Variants in CNTNAP2 observed in about 807,000 individuals in gnomAD.
CNTNAP2 encodes the protein contactin-associated protein-like 2.
In CNTNAP2, 98 loss-of-function variants were observed where a neutral mutation model predicts 155.2. That is an observed-to-expected ratio of 0.63 (90% confidence interval 0.54 to 0.75). The LOEUF (loss-of-function observed/expected upper bound fraction) is 0.75, where lower values mean the gene tolerates loss of function less well. Among genes scored for constraint, CNTNAP2 ranks in the 30% least tolerant of loss-of-function variants. The pLI is 0.00. For synonymous variants in CNTNAP2, 651 were observed against 631.2 expected (o/e 1.03, Z -0.47); for missense variants, 1,727 against 1,688.1 (o/e 1.02, Z -0.40).
chr7:147,507,676 C>T (rs1394507212), intron 11 of CNTNAP2, among the ~76,000 whole-genome samples: 1 of 150,872 alleles, frequency 6.6e-6, no homozygotes, highest in African/African-American at 2.4e-5. Context: ...CCTCAGCCTC[C>T]CGAGTAGCTG....
At chr7:147,342,863 T>C (rs1795787772) in intron 9 of CNTNAP2, among the ~76,000 whole-genome samples, 1 of 152,152 alleles carries the variant, frequency 6.6e-6, no homozygotes. Context: ...CCAAAGTTGA[T>C]AAACAATGCA....
intron 1 of CNTNAP2, among the ~76,000 whole-genome samples, chr7:146,607,222 C>T (rs73470616): frequency 0.027 from 4,165 of 152,146 alleles, 194 homozygotes; most frequent in African/African-American, 0.095. Flanking sequence ...GATTGGGTAA[C>T]GTTTGAATCT....
Position 146,820,054 on chromosome 7 carries a change from AG to A in CNTNAP2, c.209-19656del, listed in dbSNP as rs570101134. ...ACAATGTTTACATTGTAATTTGATC[AG>A]AAGATGCTAAATAGATATTTCGAGC... is the stretch of plus-strand genomic sequence containing the variant. On this transcript the variant is annotated intron_variant, in intron 2 of 23. Coordinates refer to ENST00000361727, the MANE Select transcript of CNTNAP2 (RefSeq NM_014141.6). Among the ~76,000 whole-genome samples, 304 of 152,362 alleles carry A rather than the reference AG, an allele frequency of 2.0e-3. 1 individual carries two copies. The highest frequency in any genetic ancestry group is 7.0e-3 in the African/African-American group (290 of 41,592).
intron 9 of CNTNAP2, among the ~76,000 whole-genome samples, chr7:147,309,246 A>G (rs560928104): frequency 4.9e-4 from 74 of 152,312 alleles, no homozygotes; most frequent in South Asian, 3.1e-3. Context: ...TGGTTACCCT[A>G]TCTCACTTTT....
intron 12 of CNTNAP2, among the ~76,000 whole-genome samples, chr7:147,612,835 T>A (rs1243101854): frequency 2.0e-5 from 3 of 152,234 alleles, no homozygotes; most frequent in Non-Finnish European, 2.9e-5. Context: ...CTACTCAATG[T>A]TCTGATTTTG....
At chr7:146,877,835 C>T (rs1388061381) in intron 3 of CNTNAP2, among the ~76,000 whole-genome samples, 1 of 151,936 alleles carries the variant, frequency 6.6e-6, no homozygotes, top group Non-Finnish European at 1.5e-5. Flanking sequence ...CAGTTCATTA[C>T]CCGACCATGA....
At chr7:147,829,488 A>AC (rs1798514904) in intron 13 of CNTNAP2, among the ~76,000 whole-genome samples, 1 of 152,158 alleles carries the variant, frequency 6.6e-6, no homozygotes, top group Admixed American at 6.5e-5. Flanking sequence ...TTTAGTGCTT[A>AC]CCCTTTACCA....
intron 13 of CNTNAP2, among the ~76,000 whole-genome samples, chr7:147,864,874 A>G (rs1260286486): frequency 1.3e-5 from 2 of 152,226 alleles, no homozygotes; most frequent in African/African-American, 2.4e-5. Flanking sequence ...ATCTGCAAAC[A>G]GGGACAATTT....
At chr7:147,497,156 A>G (rs1798724652) in intron 11 of CNTNAP2, 1 of 152,234 alleles carries the variant, frequency 6.6e-6, no homozygotes, top group Non-Finnish European at 1.5e-5. Context: ...ATAAAAGTGA[A>G]ATAATGTAAA....
intron 15 of CNTNAP2, among the ~76,000 whole-genome samples, chr7:148,061,966 G>GATAGATAGATAGATAAACAGAT (rs1803154914): frequency 1.8e-5 from 2 of 112,214 alleles, no homozygotes; most frequent in Non-Finnish European, 3.5e-5. Context: ...TAGATAGATA[G>GATAGATAGATAGATAAACAGAT]ATAGATAGAT....
At chr7:147,968,127 T>C (rs1323817767) in intron 14 of CNTNAP2, among the ~76,000 whole-genome samples, 1 of 152,170 alleles carries the variant, frequency 6.6e-6, no homozygotes, top group Non-Finnish European at 1.5e-5. Flanking sequence ...ATAAACACTT[T>C]TGTGTTGATT....
chr7:148,416,488 G>GAATT lies in CNTNAP2; in HGVS notation c.*874_*877dup, dbSNP rs1799994130. 1 of 129,776 alleles carries GAATT rather than the reference G, an allele frequency of 7.7e-6. No individual in the cohort carries two copies. The highest frequency in any genetic ancestry group is 2.5e-4 in the South Asian group (1 of 4,066). 8.0% of individuals were successfully genotyped at this position (129,776 alleles called of 1,614,324 possible). A position where few individuals can be genotyped will look rare whatever the true frequency, so the allele number is the denominator to read the frequency against. ...ATATATGTATAAGCGCCTCAATGGG[G>GAATT]AATTAGAGCCAGATGTTATGATTTG... On this transcript the variant is annotated 3_prime_UTR_variant, in exon 24 of 24. Coordinates refer to ENST00000361727, the MANE Select transcript of CNTNAP2 (RefSeq NM_014141.6).
In CNTNAP2 at chr7:147,952,319, G is replaced by A. The variant is rs1229411439; in HGVS notation, c.2256-25543G>A. On this transcript the variant is annotated intron_variant, in intron 14 of 23. Transcript: ENST00000361727. ...TAGCTGGGTGTGGTGGTGGATGCCT[G>A]TAATCCCAGCTACTCAGGAGGCTGA... Among the ~76,000 whole-genome samples the A allele has an allele frequency of 3.6e-5, 5 of 140,540 alleles. No homozygotes were observed. In the South Asian group the frequency reaches 1.1e-3, roughly 30 times the overall value. The allele number at this position is 140,540 out of a possible 152,430, so 92.2% of individuals were successfully genotyped here. A position where few individuals can be genotyped will look rare whatever the true frequency, so the allele number is the denominator to read the frequency against.
intron 12 of CNTNAP2, among the ~76,000 whole-genome samples, chr7:147,635,588 A>C (rs1795167070): frequency 6.6e-6 from 1 of 152,194 alleles, no homozygotes; most frequent in Admixed American, 6.5e-5. Flanking sequence ...TGATAGAGAA[A>C]TGTTTGTGGT....
At chr7:146,534,119 G>A (rs796194894) in intron 1 of CNTNAP2, among the ~76,000 whole-genome samples, 49 of 152,136 alleles carry the variant, frequency 3.2e-4, no homozygotes, top group African/African-American at 1.1e-3. Flanking sequence ...CTGACTTGCT[G>A]CATTTGAAAG....
chr7:147,792,227 T>C (rs1350857573), intron 13 of CNTNAP2, among the ~76,000 whole-genome samples: 2 of 152,256 alleles, frequency 1.3e-5, no homozygotes, highest in Non-Finnish European at 2.9e-5. Flanking sequence ...CTGTTAATTA[T>C]ACCATTTAAT....
chr7:146,173,723 G>A (rs1035085655), intron 1 of CNTNAP2, among the ~76,000 whole-genome samples: 2 of 152,118 alleles, frequency 1.3e-5, no homozygotes, highest in African/African-American at 4.8e-5. Context: ...GCTCAGTACT[G>A]TATGGTATGT....
intron 10 of CNTNAP2, among the ~76,000 whole-genome samples, chr7:147,422,574 A>G (rs1797313519): frequency 6.6e-6 from 1 of 152,126 alleles, no homozygotes; most frequent in South Asian, 2.1e-4. Flanking sequence ...ATCCTGACAG[A>G]TGCAATGTCT....
intron 9 of CNTNAP2, among the ~76,000 whole-genome samples, chr7:147,345,623 G>C (rs1542566): frequency 0.61 from 93,423 of 152,014 alleles, 29,243 homozygotes; most frequent in African/African-American, 0.73. Flanking sequence ...CTAACATATG[G>C]TTGCCAAAGA....
Sources: allele counts gnomAD v4.1 joint callset (sites outside exome capture counted in the v4.1 genomes callset), GRCh38; gene constraint gnomAD v4.1.1; transcripts MANE v1.5; gene names NCBI Gene and HGNC (gene_info 2026-07-23, HGNC 2026-07-21).